Variants in STX17 observed in about 807,000 individuals in gnomAD.
STX17 encodes the protein syntaxin 17, also known as syntaxin-17.
STX17 carries 29 observed loss-of-function variants against 35.9 expected under a neutral mutation model. The ratio of observed to expected loss-of-function variants is 0.81; its 90% CI spans 0.60 to 1.10. STX17 has a LOEUF of 1.10. Among genes scored for constraint, STX17 ranks in the 50% least tolerant of loss-of-function variants. The probability of loss-of-function intolerance (pLI) is 0.00; values close to 1 mark genes in which losing one functional copy is unlikely to be tolerated. For synonymous variants in STX17, 92 were observed against 118.3 expected (o/e 0.78, Z 1.44); for missense variants, 312 against 352.3 (o/e 0.89, Z 0.92).
chr9:99,960,152 G>A lies in STX17; in HGVS notation c.579G>A (p.Val193=), dbSNP rs769603188. 2 of 1,613,846 alleles carry A rather than the reference G, an allele frequency of 1.2e-6. No homozygotes were observed. The highest frequency in any genetic ancestry group is 3.3e-5 in the Admixed American group (2 of 60,004). The change falls in exon 6 of 8, where the codon GTG becomes GTA. Residue 193 remains valine, a synonymous_variant. Coordinates refer to ENST00000259400, the MANE Select transcript of STX17 (RefSeq NM_017919.3). The part of the protein sequence containing the change: ...SQLVTDFSLL[V]NSQQEKIDSI... Reference sequence around the variant, plus strand: ...TGGTCACTGACTTCTCTCTCCTAGTGAATGTAAGTATATAACTGTTTTGGA... The same window carrying A: ...TGGTCACTGACTTCTCTCTCCTAGTAAATGTAAGTATATAACTGTTTTGGA...
chr9:99,932,750 G>A (rs1259049631), intron 3 of STX17, among the ~76,000 whole-genome samples: 1 of 152,092 alleles, frequency 6.6e-6, no homozygotes, highest in Admixed American at 6.5e-5. Flanking sequence ...TTAGATGTAG[G>A]TATTTGGTGA....
In STX17 at chr9:99,971,288, CTTTTTT is replaced by C. The variant is rs5899399; in HGVS notation, c.*2625_*2630del. Among the ~76,000 whole-genome samples the C allele has an allele frequency of 1.4e-5, 2 of 147,206 alleles. No individual in the cohort carries two copies. The highest frequency in any genetic ancestry group is 3.0e-5 in the Non-Finnish European group (2 of 66,768). ...TGGATAAAGGCAGCAATCCTAAGGA[CTTTTTT>C]TTTTTTTTTAACATAATCTGAGAAT... On this transcript the variant is annotated 3_prime_UTR_variant, in exon 8 of 8. Coordinates refer to ENST00000259400, the MANE Select transcript of STX17 (RefSeq NM_017919.3).
rs1338269157 is a variant in STX17 at position 99,973,594 on chromosome 9, C to T, written c.*4921C>T. Among the ~76,000 whole-genome samples, 1 of 152,154 alleles carries T rather than the reference C, an allele frequency of 6.6e-6. No homozygotes were observed. Among genetic ancestry groups the T allele is most frequent in the African/African-American group, 2.4e-5 (1 of 41,420 alleles). On this transcript the variant is annotated 3_prime_UTR_variant, in exon 8 of 8. Coordinates refer to ENST00000259400, the MANE Select transcript of STX17 (RefSeq NM_017919.3). ...TTCCTTATATCAAGACTTGTCCTGT[C>T]AATTCTCCCTTAAATGTTAGTTGCA... is the stretch of plus-strand genomic sequence containing the variant.
chr9:99,963,529 A>G (rs1407382290), intron 6 of STX17, among the ~76,000 whole-genome samples: 2 of 152,186 alleles, frequency 1.3e-5, no homozygotes, highest in Non-Finnish European at 2.9e-5. Flanking sequence ...AATGAGCTTT[A>G]TAACACTGAT....
rs1304768267 is a variant in STX17, at chr9:99,957,214, A to G, written c.416-2703A>G. 2.6e-5 allele frequency among the ~76,000 whole-genome samples: 4 copies of G among 152,150 alleles called. No individual in the cohort carries two copies. In the South Asian group the frequency reaches 8.3e-4, roughly 31 times the overall value. On this transcript the variant is annotated intron_variant, in intron 4 of 7. Coordinates refer to ENST00000259400, the MANE Select transcript of STX17 (RefSeq NM_017919.3). The stretch of plus-strand genomic sequence containing the variant: ...ATATGTATTCCTCTCTTCTTTGCCT[A>G]GTAACCTCAAGTTTTCTAGAAAGGC...
At chr9:99,967,763 A>G in intron 7 of STX17, 24 bp downstream of exon 7, 1 of 1,601,252 alleles carries the variant, frequency 6.2e-7, no homozygotes, top group Non-Finnish European at 8.6e-7. Context: ...CCTGCTGACA[A>G]ATCAATGGTA....
intron 3 of STX17, among the ~76,000 whole-genome samples, chr9:99,943,130 C>CGTTT (rs955874953): frequency 4.0e-5 from 6 of 151,544 alleles, no homozygotes; most frequent in South Asian, 2.1e-4. Context: ...TTTGTTTGTT[C>CGTTT]GTTTGTTTGT....
intron 3 of STX17, among the ~76,000 whole-genome samples, chr9:99,933,170 G>T (rs952216991): frequency 3.3e-5 from 5 of 152,208 alleles, no homozygotes; most frequent in Middle Eastern, 3.4e-3. Flanking sequence ...AAAATCACTT[G>T]TGTGTTACAC....
chr9:99,948,546 T>C (rs1185687848), intron 3 of STX17, among the ~76,000 whole-genome samples: 2 of 152,140 alleles, frequency 1.3e-5, no homozygotes, highest in African/African-American at 4.8e-5. Flanking sequence ...CCTGGGCTAC[T>C]TTTTGAACTT....
At chr9:99,961,895 G>A (rs973674623) in intron 6 of STX17, among the ~76,000 whole-genome samples, 1 of 152,074 alleles carries the variant, frequency 6.6e-6, no homozygotes, top group African/African-American at 2.4e-5. Flanking sequence ...TATTGCATTT[G>A]GAGGGTCTAA....
At chr9:99,939,166 A>T (rs1829300857) in intron 3 of STX17, among the ~76,000 whole-genome samples, 1 of 152,138 alleles carries the variant, frequency 6.6e-6, no homozygotes, top group African/African-American at 2.4e-5. Context: ...TAGAAAAGAG[A>T]GGGAATGAGG....
intron 1 of STX17, among the ~76,000 whole-genome samples, chr9:99,908,278 G>C (rs988194769): frequency 2.0e-5 from 3 of 152,098 alleles, no homozygotes; most frequent in African/African-American, 7.2e-5. Context: ...TAAACCGTAC[G>C]CATATCCTGT....
intron 2 of STX17, among the ~76,000 whole-genome samples, chr9:99,921,647 A>T (rs915858279): frequency 1.3e-5 from 2 of 151,222 alleles, no homozygotes; most frequent in Admixed American, 1.3e-4. Context: ...CCCAGGATTC[A>T]CATTAAGATT....
At chr9:99,919,263 C>T (rs1273708870) in intron 2 of STX17, among the ~76,000 whole-genome samples, 1 of 152,098 alleles carries the variant, frequency 6.6e-6, no homozygotes, top group Non-Finnish European at 1.5e-5. Context: ...GTAGCTGGTA[C>T]CTTCAGTTGC....
chr9:99,933,467 G>A (rs1027707426), intron 3 of STX17, among the ~76,000 whole-genome samples: 1 of 152,114 alleles, frequency 6.6e-6, no homozygotes, highest in Non-Finnish European at 1.5e-5. Context: ...ACACAGTCTT[G>A]TTGGGAAGTT....
intron 3 of STX17, among the ~76,000 whole-genome samples, chr9:99,944,153 T>C (rs1203098548): frequency 6.6e-6 from 1 of 152,006 alleles, no homozygotes; most frequent in Non-Finnish European, 1.5e-5. Flanking sequence ...AGTAATGCCG[T>C]TTTTCATTTC....
In STX17 at chr9:99,951,200, G is replaced by A; in HGVS notation, c.330G>A (p.Leu110=). ...AATAEFLQLH[L]ESVEELKKQF... ...CAGCAGAATTTCTCCAACTCCATTT[G>A]GAATCTGTAGAAGAACTTAAGAAGC... Residue 110 remains leucine, a synonymous_variant, in exon 4 of 8, where the codon TTG becomes TTA. Coordinates refer to ENST00000259400, the MANE Select transcript of STX17 (RefSeq NM_017919.3). 6.2e-7 allele frequency: 1 copy of A among 1,613,066 alleles called. No homozygotes were observed. Among genetic ancestry groups the A allele is most frequent in the Non-Finnish European group, 8.5e-7 (1 of 1,179,242 alleles).
At chr9:99,933,201 G>A (rs776303683) in intron 3 of STX17, among the ~76,000 whole-genome samples, 1 of 152,112 alleles carries the variant, frequency 6.6e-6, no homozygotes, top group Non-Finnish European at 1.5e-5. Context: ...TTTCTGTGGT[G>A]CTACTTCTGA....
chr9:99,966,893 A>G (rs1483671144), intron 6 of STX17, among the ~76,000 whole-genome samples: 1 of 152,264 alleles, frequency 6.6e-6, no homozygotes, highest in Non-Finnish European at 1.5e-5. Flanking sequence ...AGGGCTTCGC[A>G]CATCAGAGAG....
Sources: gnomAD v4.1 joint callset for allele counts (sites outside exome capture counted in the v4.1 genomes callset) on GRCh38, gnomAD v4.1.1 for gene constraint, MANE v1.5 for transcripts, NCBI Gene and HGNC (gene_info 2026-07-23, HGNC 2026-07-21) for gene names.